TENM2: variants seen among roughly 807,000 people sequenced by gnomAD.
TENM2 encodes the protein teneurin-2.
TENM2 carries 52 observed loss-of-function variants against 245.2 expected under a neutral mutation model. The observed-to-expected ratio is 0.21, with a 90% CI of 0.17 to 0.27. The LOEUF is 0.27. TENM2 is among the 10% of genes least tolerant of loss of function. The pLI, the probability that TENM2 is intolerant of heterozygous loss-of-function variation, is 1.00. For synonymous variants in TENM2, 1,363 were observed against 1,438.9 expected (o/e 0.95, Z 1.19); for missense variants, 3,046 against 3,666.8 (o/e 0.83, Z 4.37).
chr5:167,619,759 G>C (rs1778036273), intron 2 of TENM2, among the ~76,000 whole-genome samples: 1 of 152,140 alleles, frequency 6.6e-6, no homozygotes, highest in South Asian at 2.1e-4. Flanking sequence ...CTATGACTTT[G>C]TCCTGTGGCT....
chr5:167,768,590 G>C (rs1448341090), intron 2 of TENM2, among the ~76,000 whole-genome samples: 1 of 152,140 alleles, frequency 6.6e-6, no homozygotes, highest in Non-Finnish European at 1.5e-5. Context: ...GTTATGAAGT[G>C]GTAGAGAGTG....
chr5:167,576,994 G>A (rs1774738693), intron 2 of TENM2, among the ~76,000 whole-genome samples: 1 of 152,150 alleles, frequency 6.6e-6, no homozygotes, highest in East Asian at 1.9e-4. Context: ...AAAGCTATAA[G>A]GCTTGATGGA....
At chr5:167,548,626 C>T (rs1386796972) in intron 2 of TENM2, among the ~76,000 whole-genome samples, 9 of 152,050 alleles carry the variant, frequency 5.9e-5, no homozygotes, top group Non-Finnish European at 1.3e-4. Flanking sequence ...TTTCATTCTA[C>T]AAGGGTTTCC....
chr5:167,445,336 TAG>T (rs1554154174), intron 2 of TENM2, among the ~76,000 whole-genome samples: 8 of 77,304 alleles, frequency 1.0e-4, no homozygotes, highest in South Asian at 5.3e-4. Context: ...TATATATATA[TAG>T]AGAGAGAGAG....
At chr5:168,250,935 G>A (rs915267821) in intron 27 of TENM2, among the ~76,000 whole-genome samples, 12 of 152,240 alleles carry the variant, frequency 7.9e-5, no homozygotes, top group African/African-American at 1.2e-4. Context: ...CATGGAGAGC[G>A]ATGAGAAGTG....
chr5:167,807,616 A>AT (rs770429037), intron 2 of TENM2, among the ~76,000 whole-genome samples: 21 of 25,456 alleles, frequency 8.2e-4, no homozygotes, highest in South Asian at 7.8e-3. Context: ...TAATAAATGC[A>AT]TTTTTTTTAA....
At chr5:168,175,537 G>A (rs1036663300) in intron 13 of TENM2, among the ~76,000 whole-genome samples, 22 of 152,136 alleles carry the variant, frequency 1.4e-4, no homozygotes, top group African/African-American at 4.6e-4. Flanking sequence ...GACATTTAGA[G>A]GATTTCATTT....
intron 2 of TENM2, among the ~76,000 whole-genome samples, chr5:167,462,260 G>A (rs1214859537): frequency 7.1e-6 from 1 of 141,004 alleles, no homozygotes; most frequent in Non-Finnish European, 1.5e-5. Context: ...CCCCTTACAG[G>A]AGGGGGAGCA....
intron 5 of TENM2, 118 bp from the exon 8 acceptor site, chr5:168,047,309 T>C: frequency 8.1e-7 from 1 of 1,231,232 alleles, no homozygotes; most frequent in Non-Finnish European, 1.2e-6. Context: ...GGGCAAGCCA[T>C]TTTTGACGCA....
chr5:167,413,640 TAAA>T (rs1174105170), intron 2 of TENM2, among the ~76,000 whole-genome samples: 1 of 152,062 alleles, frequency 6.6e-6, no homozygotes, highest in Non-Finnish European at 1.5e-5. Flanking sequence ...AGCAGAGCAA[TAAA>T]AATCAAGCCA....
At chr5:167,452,431 G>A (rs1192536036) in intron 2 of TENM2, among the ~76,000 whole-genome samples, 1 of 152,176 alleles carries the variant, frequency 6.6e-6, no homozygotes, top group African/African-American at 2.4e-5. Flanking sequence ...GGGAACAGAA[G>A]TCCAGAGGAA....
intron 3 of TENM2, among the ~76,000 whole-genome samples, chr5:167,929,645 T>G (rs1778130183): frequency 6.6e-6 from 1 of 152,206 alleles, no homozygotes; most frequent in Admixed American, 6.5e-5. Flanking sequence ...ATATTATTTC[T>G]GGGTCATTTT....
At chr5:167,682,902 A>G (rs1756829290) in intron 2 of TENM2, among the ~76,000 whole-genome samples, 1 of 152,212 alleles carries the variant, frequency 6.6e-6, no homozygotes, top group Admixed American at 6.5e-5. Context: ...AATTATACTC[A>G]GGCTTTGTCC....
intron 2 of TENM2, among the ~76,000 whole-genome samples, chr5:167,692,288 A>G (rs1041727016): frequency 4.6e-5 from 7 of 152,190 alleles, no homozygotes; most frequent in African/African-American, 1.7e-4. Flanking sequence ...GCCGAAGGCA[A>G]TTGCCCCCAT....
intron 2 of TENM2, among the ~76,000 whole-genome samples, chr5:167,758,602 C>A (rs540304878): frequency 6.6e-6 from 1 of 152,164 alleles, no homozygotes; most frequent in Non-Finnish European, 1.5e-5. Flanking sequence ...TTCTTCTAAT[C>A]ACTTCCACTT....
the TENM2 span, among the ~76,000 whole-genome samples, chr5:167,097,387 A>G: frequency 6.6e-6 from 1 of 152,134 alleles, no homozygotes; most frequent in Admixed American, 6.6e-5. Flanking sequence ...TCAAAGCTTA[A>G]TGTAGCATGC....
At chr5:168,047,521 T>C in exon 6 of TENM2, 1 of 1,551,762 alleles carries the variant, frequency 6.4e-7, no homozygotes, top group Non-Finnish European at 8.7e-7. Context: ...GAAACGATGA[T>C]GTGGCAACAA....
intron 12 of TENM2, among the ~76,000 whole-genome samples, chr5:168,140,864 T>C (rs1007565655): frequency 6.6e-6 from 1 of 152,128 alleles, no homozygotes; most frequent in Non-Finnish European, 1.5e-5. Flanking sequence ...TGCAGGTTCA[T>C]AGGAGTGGCC....
chr5:168,004,058 G>A (rs1018865518), intron 5 of TENM2, among the ~76,000 whole-genome samples: 2 of 152,184 alleles, frequency 1.3e-5, no homozygotes, highest in African/African-American at 4.8e-5. Context: ...AGAGACCATA[G>A]CAAGTTGGGG....
Sources: allele counts gnomAD v4.1 joint callset (sites outside exome capture counted in the v4.1 genomes callset), GRCh38; gene constraint gnomAD v4.1.1; transcripts MANE v1.5; gene names NCBI Gene and HGNC (gene_info 2026-07-23, HGNC 2026-07-21).